RPS6KA3: variants seen among roughly 807,000 people sequenced by gnomAD.
RPS6KA3 encodes the protein ribosomal protein S6 kinase A3.
Under a neutral mutation model 67.2 loss-of-function variants are expected in RPS6KA3, and 4 were observed. The ratio of observed to expected loss-of-function variants is 0.06; its 90% confidence interval spans 0.03 to 0.14. RPS6KA3 has a LOEUF of 0.14. Ranked by LOEUF, RPS6KA3 falls within the 10% of genes least tolerant of loss-of-function variation. The probability of loss-of-function intolerance (pLI) is 1.00; values close to 1 mark genes in which losing one functional copy is unlikely to be tolerated. For synonymous variants in RPS6KA3, 182 were observed against 183.7 expected (o/e 0.99, Z 0.07); for missense variants, 204 against 559.0 (o/e 0.36, Z 6.40).
At chrX:20,165,613 G>A (rs2067415384) in intron 17 of RPS6KA3, among the ~76,000 whole-genome samples, 1 of 111,752 alleles carries the variant, frequency 8.9e-6, no homozygotes, top group East Asian at 2.8e-4. Context: ...GAACAGTAAG[G>A]GAGAGTCATT....
At chrX:20,266,506 G>T in intron 1 of RPS6KA3, 58 bp downstream of exon 1, 1 of 987,720 alleles carries the variant, frequency 1.0e-6, no homozygotes, top group Non-Finnish European at 1.4e-6. Context: ...GGAGCGAAGC[G>T]AGCCGGCGGG....
chrX:20,163,293 A>G, intron 18 of RPS6KA3, among the ~76,000 whole-genome samples: 1 of 111,748 alleles, frequency 8.9e-6, no homozygotes, highest in African/African-American at 3.3e-5. Flanking sequence ...CAAACTGAAG[A>G]TAACTTTCTT....
chrX:20,171,483 A>T (rs2067572556), intron 15 of RPS6KA3, among the ~76,000 whole-genome samples: 1 of 111,696 alleles, frequency 9.0e-6, no homozygotes, highest in Non-Finnish European at 1.9e-5. Context: ...ACCAGAACAC[A>T]CTGGGAGGGG....
intron 10 of RPS6KA3, among the ~76,000 whole-genome samples, chrX:20,181,681 G>A (rs910827114): frequency 9.0e-6 from 1 of 111,716 alleles, no homozygotes; most frequent in Non-Finnish European, 1.9e-5. Flanking sequence ...AATGAATTGT[G>A]TGAATGAATG....
chrX:20,227,859 T>C (rs191540617), intron 2 of RPS6KA3, among the ~76,000 whole-genome samples: 14 of 111,146 alleles, frequency 1.3e-4, no homozygotes, highest in South Asian at 3.8e-4. Flanking sequence ...TCTTATGGTA[T>C]TTCTTTCCTG....
intron 1 of RPS6KA3, among the ~76,000 whole-genome samples, chrX:20,248,746 T>C (rs1157825054): frequency 8.9e-6 from 1 of 112,271 alleles, no homozygotes; most frequent in Non-Finnish European, 1.9e-5. Flanking sequence ...AGAGGTCCCA[T>C]ACACTTTTAA....
chrX:20,257,194 G>A (rs5955898), intron 1 of RPS6KA3, among the ~76,000 whole-genome samples: 6,485 of 111,668 alleles, frequency 0.058, 237 homozygotes, highest in Middle Eastern at 0.13. Context: ...CTCAATAGAC[G>A]TGAGCTTCCT....
intron 2 of RPS6KA3, among the ~76,000 whole-genome samples, chrX:20,211,396 A>G (rs1292306562): frequency 9.0e-6 from 1 of 111,315 alleles, no homozygotes; most frequent in African/African-American, 3.3e-5. Context: ...CCTGACTTTG[A>G]AAACAAGGCC....
intron 20 of RPS6KA3, among the ~76,000 whole-genome samples, chrX:20,159,609 C>T (rs2067262390): frequency 2.7e-5 from 3 of 111,869 alleles, no homozygotes; most frequent in South Asian, 7.4e-4. Context: ...CTTACCTGCC[C>T]TTCCTCTCTC....
At chrX:20,265,919 T>G (rs1448174548) in intron 1 of RPS6KA3, 1 of 110,349 alleles carries the variant, frequency 9.1e-6, no homozygotes, top group East Asian at 2.8e-4. Flanking sequence ...CAAGTTAAAC[T>G]CACAGGGACG....
chrX:20,248,350 C>T (rs1229116047), intron 1 of RPS6KA3, among the ~76,000 whole-genome samples: 8 of 112,068 alleles, frequency 7.1e-5, no homozygotes, highest in African/African-American at 2.6e-4. Context: ...CAATATGTCC[C>T]CATGAAGCAT....
At chrX:20,210,284 C>T (rs2068680052) in intron 2 of RPS6KA3, among the ~76,000 whole-genome samples, 1 of 111,801 alleles carries the variant, frequency 8.9e-6, no homozygotes, top group African/African-American at 3.3e-5. Context: ...AAAATTACAA[C>T]AAAACAAAAC....
At chrX:20,180,122 A>G (rs2067806599) in intron 10 of RPS6KA3, among the ~76,000 whole-genome samples, 1 of 110,261 alleles carries the variant, frequency 9.1e-6, no homozygotes, top group Admixed American at 9.7e-5. Context: ...TTTTTAAAAG[A>G]AAAGCAATTC....
At chrX:20,244,570 GAA>G (rs1211755128) in intron 1 of RPS6KA3, among the ~76,000 whole-genome samples, 1 of 111,723 alleles carries the variant, frequency 9.0e-6, no homozygotes, top group African/African-American at 3.3e-5. Flanking sequence ...ACGCAGAGAA[GAA>G]AAAAAGTTAG....
At chrX:20,175,866 A>G (rs951573405) in intron 13 of RPS6KA3, among the ~76,000 whole-genome samples, 1 of 111,010 alleles carries the variant, frequency 9.0e-6, no homozygotes, top group Non-Finnish European at 1.9e-5. Flanking sequence ...TTATCCAGGA[A>G]AAGATTTTCT....
intron 15 of RPS6KA3, among the ~76,000 whole-genome samples, chrX:20,170,745 G>C (rs1357880354): frequency 9.2e-6 from 1 of 109,178 alleles, no homozygotes; most frequent in African/African-American, 3.4e-5. Flanking sequence ...CTGAGTAGCT[G>C]GGACCACAGG....
intron 18 of RPS6KA3, among the ~76,000 whole-genome samples, chrX:20,164,244 G>A (rs1455816077): frequency 9.0e-6 from 1 of 111,360 alleles, no homozygotes; most frequent in African/African-American, 3.3e-5. Flanking sequence ...AGAGAAGGAA[G>A]GCTAGAGGGT....
intron 2 of RPS6KA3, among the ~76,000 whole-genome samples, chrX:20,230,977 T>C (rs1025218585): frequency 9.0e-5 from 10 of 111,145 alleles, no homozygotes; most frequent in African/African-American, 3.3e-4. Flanking sequence ...TTTTTTTTTT[T>C]CAGACAGGGT....
chrX:20,175,680 G>A (rs1054199398), intron 13 of RPS6KA3, among the ~76,000 whole-genome samples: 1 of 111,361 alleles, frequency 9.0e-6, no homozygotes, highest in Non-Finnish European at 1.9e-5. Flanking sequence ...CGTGCCTAGC[G>A]TGACTGAGAA....
Sources: gnomAD v4.1 joint callset for allele counts (sites outside exome capture counted in the v4.1 genomes callset) on GRCh38, gnomAD v4.1.1 for gene constraint, MANE v1.5 for transcripts, NCBI Gene and HGNC (gene_info 2026-07-23, HGNC 2026-07-21) for gene names.